Variants in FAM178B observed in about 807,000 individuals in gnomAD.
The protein encoded by FAM178B is protein FAM178B.
FAM178B carries 82 observed loss-of-function variants against 91.7 expected under a neutral mutation model. That is an observed-to-expected ratio of 0.89 (90% CI 0.75 to 1.07). The LOEUF is 1.07. Ranked by LOEUF, FAM178B falls within the 50% of genes least tolerant of loss-of-function variation. The pLI, the probability that FAM178B is intolerant of heterozygous loss-of-function variation, is 0.00. For synonymous variants in FAM178B, 368 were observed against 359.4 expected, an observed-to-expected ratio of 1.02 and a Z score of -0.27; for missense variants, 769 against 846.7, an observed-to-expected ratio of 0.91 and a Z score of 1.14.
intron 1 of FAM178B, among the ~76,000 whole-genome samples, chr2:96,975,570 C>T (rs1482536032): frequency 6.6e-6 from 1 of 152,048 alleles, no homozygotes; most frequent in Non-Finnish European, 1.5e-5. Context: ...CAAAACATTC[C>T]AATTATTCTC....
At chr2:96,926,453 G>A (rs1019036076) in intron 9 of FAM178B, among the ~76,000 whole-genome samples, 3 of 152,236 alleles carry the variant, frequency 2.0e-5, no homozygotes, top group Admixed American at 6.5e-5. Flanking sequence ...GGAGGACCAT[G>A]CACAGCTACC....
intron 12 of FAM178B, among the ~76,000 whole-genome samples, chr2:96,911,685 C>A (rs2081161791): frequency 6.6e-6 from 1 of 152,168 alleles, no homozygotes; most frequent in East Asian, 1.9e-4. Flanking sequence ...TGGCGGAAAT[C>A]CAAGGGGGTT....
chr2:96,971,299 CCT>C (rs1247747306), intron 3 of FAM178B, among the ~76,000 whole-genome samples: 1 of 146,254 alleles, frequency 6.8e-6, no homozygotes, highest in South Asian at 2.2e-4. Context: ...CTCCCACCTC[CCT>C]CTCTCTCTCC....
chr2:96,884,666 G>C (rs1241217778), intron 14 of FAM178B, among the ~76,000 whole-genome samples: 1 of 152,234 alleles, frequency 6.6e-6, no homozygotes. Context: ...AGCCCCAGCA[G>C]TGTGGCACTG....
intron 13 of FAM178B, among the ~76,000 whole-genome samples, chr2:96,902,108 A>ACTTTTTTT (rs2080945315): frequency 8.6e-6 from 1 of 115,862 alleles, no homozygotes; most frequent in African/African-American, 4.6e-5. Flanking sequence ...CTTTTACTAC[A>ACTTTTTTT]ATTTTTTTTT....
rs564234620 is a variant in FAM178B at position 96,929,194 on chromosome 2, A to G, written c.1193+12T>C. 2 of 1,518,980 alleles carry G rather than the reference A, an allele frequency of 1.3e-6. No individual in the cohort carries two copies. Among genetic ancestry groups the G allele is most frequent in the Admixed American group, 2.0e-5 (1 of 50,916 alleles). 94.1% of individuals were successfully genotyped at this position (1,518,980 alleles called of 1,614,324 possible). A position where few individuals can be genotyped will look rare whatever the true frequency, so the allele number is the denominator to read the frequency against. ...TGAAAGAAAAAGGCAGTGAGGAAGC[A>G]GAAGTACTCACCTGCCACCGTGCCA... On this transcript the variant is annotated intron_variant, in intron 9 of 16. Transcript: ENST00000490605.
intron 14 of FAM178B, among the ~76,000 whole-genome samples, chr2:96,885,738 T>C (rs1438299647): frequency 6.6e-6 from 1 of 152,052 alleles, no homozygotes; most frequent in Non-Finnish European, 1.5e-5. Context: ...AGGCAGGGAT[T>C]GGCGGGGTCT....
At chr2:96,971,779 T>C (rs6714860) in intron 3 of FAM178B, 122 bp downstream of exon 3, 779,244 of 943,594 alleles carry the variant, frequency 0.83, 330,560 homozygotes, top group Non-Finnish European at 0.88. Context: ...ATGGTCAAGG[T>C]GAAGTGTCCG....
intron 4 of FAM178B, among the ~76,000 whole-genome samples, chr2:96,969,009 G>C (rs1463406131): frequency 6.6e-6 from 1 of 152,144 alleles, no homozygotes; most frequent in Non-Finnish European, 1.5e-5. Context: ...TTCCTTTCTT[G>C]CAAGGTTCAG....
intron 14 of FAM178B, among the ~76,000 whole-genome samples, chr2:96,883,164 G>A (rs1333008744): frequency 6.6e-6 from 1 of 152,220 alleles, no homozygotes; most frequent in Non-Finnish European, 1.5e-5. Context: ...ACCAGAGGAA[G>A]GGAGGTCAGC....
At chr2:96,886,848 T>A (rs1325059713) in intron 14 of FAM178B, among the ~76,000 whole-genome samples, 1 of 152,072 alleles carries the variant, frequency 6.6e-6, no homozygotes, top group African/African-American at 2.4e-5. Flanking sequence ...GCTCAAGCCA[T>A]CCTCCCGAGT....
intron 10 of FAM178B, among the ~76,000 whole-genome samples, chr2:96,922,152 T>C (rs1009825002): frequency 2.6e-5 from 4 of 152,148 alleles, no homozygotes; most frequent in African/African-American, 9.7e-5. Context: ...CATAACAGTT[T>C]ACACATGCCG....
chr2:96,912,042 A>G (rs937882964), intron 12 of FAM178B, among the ~76,000 whole-genome samples: 1 of 152,124 alleles, frequency 6.6e-6, no homozygotes, highest in Non-Finnish European at 1.5e-5. Context: ...CCCAGAAAGT[A>G]GGCTCTGAAA....
intron 6 of FAM178B, chr2:96,951,783 G>A (rs1230410804): frequency 1.4e-5 from 4 of 279,260 alleles, no homozygotes; most frequent in Non-Finnish European, 2.8e-5. Flanking sequence ...AGCACTTTGG[G>A]AGGCAAAGGC....
rs573710266 is a variant in FAM178B, at chr2:96,972,166, T to A, written c.299A>T (p.Gln100Leu). Residue 100 changes from glutamine to leucine, a missense_variant, in exon 3 of 17, where the codon CAG (glutamine) becomes CTG (leucine). Transcript: ENST00000490605. ...AGTGGGAAACGTTTCCCCAGGTGCCTGTATCTTGGGCTTCTTTGGCGATGT... is the reference window on the plus strand; with the variant it reads ...AGTGGGAAACGTTTCCCCAGGTGCCAGTATCTTGGGCTTCTTTGGCGATGT... Reference protein sequence around the residue: ...APTSPKKPKIQAPGETFPTDW... With the variant: ...APTSPKKPKILAPGETFPTDW... 1.3e-6 allele frequency: 2 copies of A among 1,545,786 alleles called. No homozygotes were observed. The highest frequency in any genetic ancestry group is 4.9e-5 in the East Asian group (2 of 40,862).
chr2:96,898,527 G>C (rs568039735), intron 13 of FAM178B, among the ~76,000 whole-genome samples: 5 of 152,168 alleles, frequency 3.3e-5, no homozygotes, highest in Non-Finnish European at 7.4e-5. Context: ...GGTGGTGCAC[G>C]CCCATAGTCC....
At chr2:96,955,682 A>AAAAT (rs979431052) in intron 6 of FAM178B, among the ~76,000 whole-genome samples, 1 of 152,152 alleles carries the variant, frequency 6.6e-6, no homozygotes, top group African/African-American at 2.4e-5. Context: ...CTTCGTTCCA[A>AAAAT]AAATAAATAA....
intron 8 of FAM178B, among the ~76,000 whole-genome samples, chr2:96,946,231 C>A (rs1574286522): frequency 6.6e-6 from 1 of 152,182 alleles, no homozygotes; most frequent in South Asian, 2.1e-4. Flanking sequence ...ACATCATGGA[C>A]ATTCAAAGAA....
At chr2:96,921,109 A>C (rs1355487005) in intron 12 of FAM178B, 56 bp downstream of exon 12, 1 of 1,440,588 alleles carries the variant, frequency 6.9e-7, no homozygotes. Context: ...GGATCCCTAC[A>C]AGACCCCGAA....
Sources: gnomAD v4.1 joint callset for allele counts (sites outside exome capture counted in the v4.1 genomes callset) on GRCh38, gnomAD v4.1.1 for gene constraint, MANE v1.5 for transcripts, NCBI Gene and HGNC (gene_info 2026-07-23, HGNC 2026-07-21) for gene names.